The following PBX3 variants were observed in gnomAD, a reference collection of about 807,000 sequenced individuals.
PBX3 encodes the protein PBX homeobox 3.
PBX3 carries 14 observed loss-of-function variants against 48.5 expected under a neutral mutation model. That is an observed-to-expected ratio of 0.29 (90% CI 0.19 to 0.45). The LOEUF (loss-of-function observed/expected upper bound fraction) is 0.45. Ranked by LOEUF, PBX3 falls within the 20% of genes least tolerant of loss-of-function variation. The pLI, the probability that PBX3 is intolerant of heterozygous loss-of-function variation, is 1.00. For synonymous variants in PBX3, 210 were observed against 200.3 expected, an observed-to-expected ratio of 1.05 and a Z score of -0.41; for missense variants, 386 against 546.7, an observed-to-expected ratio of 0.71 and a Z score of 2.93.
In PBX3 at chr9:125,850,719, A is replaced by G. The variant is rs117239829; in HGVS notation, c.275-64967A>G. Among the ~76,000 whole-genome samples, 36 of 152,244 alleles carry G rather than the reference A, an allele frequency of 2.4e-4. No individual in the cohort carries two copies. The East Asian group carries it at 6.7e-3, about 28-fold the overall frequency. On this transcript the variant is annotated intron_variant, in intron 2 of 8. Transcript: ENST00000373489. ...TTTATGCAGAAGTCTAAATAAGCAC[A>G]TGAATTAAGTTTGTAAGCCTTATAA... is the stretch of plus-strand genomic sequence containing the variant.
intron 2 of PBX3, among the ~76,000 whole-genome samples, chr9:125,811,285 T>G (rs892261181): frequency 6.6e-6 from 1 of 152,206 alleles, no homozygotes; most frequent in African/African-American, 2.4e-5. Flanking sequence ...AAACGTTTGT[T>G]TCTCATAGTT....
chr9:125,915,372 A>G (rs1841302920), intron 2 of PBX3, among the ~76,000 whole-genome samples: 1 of 152,148 alleles, frequency 6.6e-6, no homozygotes, highest in African/African-American at 2.4e-5. Context: ...TGCTTAAATT[A>G]TCTAAATCTG....
chr9:125,939,395 A>G (rs1012542393), intron 5 of PBX3, among the ~76,000 whole-genome samples: 4 of 152,210 alleles, frequency 2.6e-5, no homozygotes, highest in Non-Finnish European at 5.9e-5. Flanking sequence ...ATATGATTAA[A>G]AATTGCAGTA....
rs1838964869 is a variant in PBX3, at chr9:125,831,622, G to GGTA, written c.274+83002_274+83004dup. Among the ~76,000 whole-genome samples the GGTA allele has an allele frequency of 2.0e-5, 3 of 152,108 alleles. No individual in the cohort carries two copies. The South Asian group carries it at 6.2e-4, about 32-fold the overall frequency. On this transcript the variant is annotated intron_variant, in intron 2 of 8. Coordinates refer to ENST00000373489, the MANE Select transcript of PBX3 (RefSeq NM_006195.6). ...TAATTATCAATTTCCAGAGTAATGA[G>GGTA]GTAGTGCCTTAGTATCCTCCAGTGG...
intron 2 of PBX3, among the ~76,000 whole-genome samples, chr9:125,891,993 C>T (rs1334955806): frequency 1.3e-5 from 2 of 152,176 alleles, no homozygotes; most frequent in South Asian, 4.1e-4. Flanking sequence ...GATCTCGGCT[C>T]ACTGCAACCT....
chr9:125,864,727 A>T (rs1324984170), intron 2 of PBX3, among the ~76,000 whole-genome samples: 1 of 152,148 alleles, frequency 6.6e-6, no homozygotes, highest in Admixed American at 6.5e-5. Context: ...TGGTAATGCG[A>T]TGGGGAGTGG....
chr9:125,921,804 A>G (rs1230201630), intron 3 of PBX3, among the ~76,000 whole-genome samples: 1 of 152,186 alleles, frequency 6.6e-6, no homozygotes, highest in African/African-American at 2.4e-5. Flanking sequence ...GACATTTGGA[A>G]AATAGTTGCA....
At chr9:125,793,366 A>AAATATATATATATATATATAT (rs59271982) in intron 2 of PBX3, among the ~76,000 whole-genome samples, 2 of 101,976 alleles carry the variant, frequency 2.0e-5, no homozygotes, top group Non-Finnish European at 3.7e-5. Flanking sequence ...GGAAAAAAAA[A>AAATATATATATATATATATAT]ATATATATAT....
intron 2 of PBX3, among the ~76,000 whole-genome samples, chr9:125,824,118 T>C (rs1838739732): frequency 6.6e-6 from 1 of 152,142 alleles, no homozygotes; most frequent in Non-Finnish European, 1.5e-5. Flanking sequence ...AAAGGATTTT[T>C]ATGAGCTTGA....
chr9:125,760,480 T>C (rs1236782875), intron 2 of PBX3, among the ~76,000 whole-genome samples: 1 of 152,204 alleles, frequency 6.6e-6, no homozygotes, highest in Non-Finnish European at 1.5e-5. Flanking sequence ...ATTTTGCTTG[T>C]AGAATTTATA....
chr9:125,808,251 G>A (rs1260941206), intron 2 of PBX3, among the ~76,000 whole-genome samples: 2 of 152,156 alleles, frequency 1.3e-5, no homozygotes, highest in Non-Finnish European at 1.5e-5. Context: ...GACGTATAGT[G>A]TGAAAAATGT....
chr9:125,785,093 T>A (rs1295144740), intron 2 of PBX3, among the ~76,000 whole-genome samples: 1 of 152,196 alleles, frequency 6.6e-6, no homozygotes, highest in African/African-American at 2.4e-5. Context: ...TATAATGTTT[T>A]GGAAGAATAT....
chr9:125,754,814 T>C (rs1241284451), intron 2 of PBX3, among the ~76,000 whole-genome samples: 1 of 151,870 alleles, frequency 6.6e-6, no homozygotes, highest in African/African-American at 2.4e-5. Flanking sequence ...TCAAACTGAA[T>C]TGGCGTAACT....
chr9:125,933,382 C>T (rs911015398), intron 4 of PBX3, among the ~76,000 whole-genome samples: 33 of 152,304 alleles, frequency 2.2e-4, no homozygotes, highest in Admixed American at 7.2e-4. Context: ...CCAGAATGTC[C>T]GGTGAGCTAT....
chr9:125,911,945 G>A (rs1359636653), intron 2 of PBX3, among the ~76,000 whole-genome samples: 1 of 152,062 alleles, frequency 6.6e-6, no homozygotes, highest in Non-Finnish European at 1.5e-5. Context: ...TCTAATTCAG[G>A]ACCACGTGTA....
chr9:125,914,241 A>T (rs1439477196), intron 2 of PBX3, among the ~76,000 whole-genome samples: 1 of 152,178 alleles, frequency 6.6e-6, no homozygotes, highest in Non-Finnish European at 1.5e-5. Flanking sequence ...TATAGTTTTC[A>T]AACCTTATTT....
chr9:125,960,545 C>G, intron 5 of PBX3, 139 bp from the exon 6 acceptor site: 1 of 691,110 alleles, frequency 1.4e-6, no homozygotes, highest in Non-Finnish European at 2.5e-6. Context: ...AACCATTATG[C>G]ATGATCCATA....
rs1398801261 is a variant in PBX3, at chr9:125,967,061, T to C, written c.*1138T>C. 2 of 150,340 alleles carry C rather than the reference T, an allele frequency of 1.3e-5. No individual in the cohort carries two copies. The highest frequency in any genetic ancestry group is 3.9e-4 in the East Asian group (2 of 5,124). 9.3% of individuals were successfully genotyped at this position (150,340 alleles called of 1,614,324 possible). A position where few individuals can be genotyped will look rare whatever the true frequency, so the allele number is the denominator to read the frequency against. On this transcript the variant is annotated 3_prime_UTR_variant, in exon 9 of 9. Transcript: ENST00000373489. ...TGTAAATACTGAGAAACATTTTGAA[T>C]GTTCTTCATCTTATTACTAATCCAT...
intron 2 of PBX3, 145 bp from the exon 3 acceptor site, chr9:125,915,541 T>A: frequency 1.6e-6 from 1 of 629,274 alleles, no homozygotes; most frequent in African/African-American, 1.8e-5. Context: ...AACTTACCGA[T>A]CAAATGTGAA....
Sources: gnomAD v4.1 joint callset for allele counts (sites outside exome capture counted in the v4.1 genomes callset) on GRCh38, gnomAD v4.1.1 for gene constraint, MANE v1.5 for transcripts, NCBI Gene and HGNC (gene_info 2026-07-23, HGNC 2026-07-21) for gene names.